The following SMIM35 variants were observed in gnomAD, a reference collection of about 807,000 sequenced individuals.
The protein encoded by SMIM35 is small integral membrane protein 35, also known as TMPRSS4 antisense RNA 1 (non-protein coding).
At chr11:118,032,064 A>G (rs945000998) in intron 1 of SMIM35, 3 of 152,214 alleles carry the variant, frequency 2.0e-5, no homozygotes, top group African/African-American at 7.2e-5. Context: ...CCCAGGAGAC[A>G]GAGATTACAG....
intron 1 of SMIM35, among the ~76,000 whole-genome samples, chr11:118,070,194 T>G (rs1256027162): frequency 2.6e-5 from 4 of 152,232 alleles, no homozygotes; most frequent in African/African-American, 9.6e-5. Flanking sequence ...TTTCTTTTTT[T>G]TGAGGTGGAG....
At chr11:118,010,886 T>C (rs2512149) in intron 4 of SMIM35, among the ~76,000 whole-genome samples, 41,514 of 152,098 alleles carry the variant, frequency 0.27, 6,351 homozygotes, top group East Asian at 0.42. Flanking sequence ...TGGGAGAGGC[T>C]CTGGCACTGC....
chr11:118,025,465 C>T (rs142709971), intron 1 of SMIM35: 26 of 454,568 alleles, frequency 5.7e-5, no homozygotes, highest in Middle Eastern at 6.5e-4. Flanking sequence ...TATTTTCTGA[C>T]TTCTTAATAG....
At chr11:118,040,165 G>A (rs534786645) in intron 1 of SMIM35, among the ~76,000 whole-genome samples, 5 of 151,818 alleles carry the variant, frequency 3.3e-5, no homozygotes, top group African/African-American at 9.7e-5. Context: ...GCAGTGAGCC[G>A]AGATCATGCC....
intron 1 of SMIM35, among the ~76,000 whole-genome samples, chr11:118,030,509 T>G (rs144573929): frequency 2.1e-4 from 32 of 152,278 alleles, no homozygotes; most frequent in African/African-American, 7.7e-4. Context: ...ATAAAAGAAC[T>G]TAAAGAATAG....
intron 1 of SMIM35, among the ~76,000 whole-genome samples, chr11:118,059,838 T>A (rs143427725): frequency 6.6e-6 from 1 of 152,156 alleles, no homozygotes; most frequent in Non-Finnish European, 1.5e-5. Context: ...TCAATCCTAC[T>A]GGATAAACTT....
At chr11:118,006,550 G>T (rs1470206114) in intron 4 of SMIM35, among the ~76,000 whole-genome samples, 174 bp from the exon 5 acceptor site, 1 of 152,150 alleles carries the variant, frequency 6.6e-6, no homozygotes, top group Admixed American at 6.5e-5. Flanking sequence ...ACATCGCAAT[G>T]GGTGCTCAAT....
In SMIM35 at chr11:118,017,063, A is replaced by C. The variant is rs543582278; in HGVS notation, c.8-1254T>G. ...CTCCCTTCAGTTTTAAGTTACAAAAACCCAGGCCCTTAGAGAAAGGGAAAG... is the reference window on the plus strand; with the variant it reads ...CTCCCTTCAGTTTTAAGTTACAAAACCCCAGGCCCTTAGAGAAAGGGAAAG... On this transcript the variant is annotated intron_variant, in intron 1 of 4. Coordinates refer to ENST00000689828, the MANE Select transcript of SMIM35 (RefSeq NM_001394165.1). Among the ~76,000 whole-genome samples the C allele has an allele frequency of 2.6e-5, 4 of 152,242 alleles. 1 individual carries two copies. The South Asian group carries it at 8.3e-4, about 32-fold the overall frequency.
intron 1 of SMIM35, among the ~76,000 whole-genome samples, chr11:118,062,087 T>C (rs139846628): frequency 3.3e-5 from 5 of 152,278 alleles, no homozygotes; most frequent in African/African-American, 7.2e-5. Flanking sequence ...CCCATCCCTT[T>C]AGGAGGCCAA....
intron 1 of SMIM35, among the ~76,000 whole-genome samples, chr11:118,056,035 T>C (rs1944304393): frequency 6.6e-6 from 1 of 151,910 alleles, no homozygotes; most frequent in Non-Finnish European, 1.5e-5. Context: ...GAAGAGGCTC[T>C]AGGCTGAAGG....
intron 1 of SMIM35, chr11:118,025,849 A>G: frequency 2.3e-6 from 1 of 439,856 alleles, no homozygotes. Context: ...TTGGAAACTT[A>G]GTCATAAATT....
At chr11:118,012,159 G>C (rs1475011495) in intron 4 of SMIM35, among the ~76,000 whole-genome samples, 1 of 152,230 alleles carries the variant, frequency 6.6e-6, no homozygotes, top group African/African-American at 2.4e-5. Flanking sequence ...TGCTAGCAGA[G>C]AGGCTGGCAG....
At chr11:118,048,793 A>C (rs1293704729) in intron 1 of SMIM35, among the ~76,000 whole-genome samples, 1 of 151,864 alleles carries the variant, frequency 6.6e-6, no homozygotes, top group Admixed American at 6.6e-5. Flanking sequence ...ACAGCAGGCC[A>C]TCCCGGAAGA....
intron 1 of SMIM35, among the ~76,000 whole-genome samples, chr11:118,068,766 G>A (rs1443137566): frequency 3.3e-5 from 5 of 152,102 alleles, no homozygotes; most frequent in South Asian, 2.1e-4. Flanking sequence ...CCGGGGTAGC[G>A]GAGTGACCTT....
At chr11:118,036,139 G>A (rs537995248) in intron 1 of SMIM35, among the ~76,000 whole-genome samples, 78 of 151,944 alleles carry the variant, frequency 5.1e-4, no homozygotes, top group African/African-American at 1.8e-3. Context: ...CACCCGCCTC[G>A]GCCTCCCAAA....
chr11:118,035,766 G>C (rs573235077), intron 1 of SMIM35, among the ~76,000 whole-genome samples: 2 of 152,352 alleles, frequency 1.3e-5, no homozygotes, highest in East Asian at 3.9e-4. Context: ...CCTCAGCATG[G>C]GGGATCCTCC....
At chr11:118,009,846 G>A (rs1591272465) in intron 4 of SMIM35, among the ~76,000 whole-genome samples, 1 of 152,158 alleles carries the variant, frequency 6.6e-6, no homozygotes, top group Non-Finnish European at 1.5e-5. Flanking sequence ...GTCCAAAGAG[G>A]TGGAGTAAGT....
intron 1 of SMIM35, among the ~76,000 whole-genome samples, chr11:118,083,353 C>A (rs1172533400): frequency 2.6e-5 from 4 of 152,204 alleles, no homozygotes; most frequent in African/African-American, 7.2e-5. Flanking sequence ...CCCTCTCTTC[C>A]GAGAGAGTTC....
intron 1 of SMIM35, among the ~76,000 whole-genome samples, chr11:118,044,307 G>A (rs1299663679): frequency 1.9e-5 from 2 of 107,716 alleles, no homozygotes; most frequent in Non-Finnish European, 3.7e-5. Context: ...GAGAAGTCTG[G>A]CAGAATTGAA....
Sources: gnomAD v4.1 joint callset for allele counts (sites outside exome capture counted in the v4.1 genomes callset) on GRCh38, gnomAD v4.1.1 for gene constraint, MANE v1.5 for transcripts, NCBI Gene and HGNC (gene_info 2026-07-23, HGNC 2026-07-21) for gene names.